The following CDH12 variants were observed in gnomAD, a reference collection of about 807,000 sequenced individuals.
The protein encoded by CDH12 is cadherin-12.
A neutral mutation model predicts 74.1 loss-of-function variants in CDH12; 41 were observed. The observed-to-expected ratio is 0.55, with a 90% CI of 0.43 to 0.72. The LOEUF is 0.72. CDH12 is among the 30% of genes least tolerant of loss of function. The pLI is 0.00. For missense variants in CDH12, 945 were observed against 977.2 expected (o/e 0.97, Z 0.44); for synonymous variants, 399 against 355.0 (o/e 1.12, Z -1.39).
chr5:22,636,590 T>C (rs1738852745), intron 1 of CDH12, among the ~76,000 whole-genome samples: 1 of 152,182 alleles, frequency 6.6e-6, no homozygotes, highest in South Asian at 2.1e-4. Context: ...GTTGTTGAAG[T>C]AGATCTATAT....
intron 1 of CDH12, among the ~76,000 whole-genome samples, chr5:22,562,372 G>A (rs1327573973): frequency 6.6e-6 from 1 of 151,950 alleles, no homozygotes; most frequent in Non-Finnish European, 1.5e-5. Flanking sequence ...AGATTATAAT[G>A]GAAAAACAAA....
chr5:22,348,790 C>T (rs187384488), intron 3 of CDH12, among the ~76,000 whole-genome samples: 2 of 152,246 alleles, frequency 1.3e-5, no homozygotes, highest in Non-Finnish European at 1.5e-5. Context: ...ATGCTAGGCA[C>T]TCATTGGTGA....
At chr5:22,124,486 C>A (rs909472073) in intron 4 of CDH12, among the ~76,000 whole-genome samples, 1 of 152,110 alleles carries the variant, frequency 6.6e-6, no homozygotes, top group African/African-American at 2.4e-5. Flanking sequence ...GCCATCTCAT[C>A]CTACTGTTTG....
chr5:21,909,316 A>T (rs2150061814), intron 6 of CDH12, among the ~76,000 whole-genome samples: 1 of 152,210 alleles, frequency 6.6e-6, no homozygotes, highest in South Asian at 2.1e-4. Context: ...TTAATGCCCC[A>T]TAGGACATGC....
intron 6 of CDH12, among the ~76,000 whole-genome samples, chr5:21,926,748 G>C (rs1754599688): frequency 1.3e-5 from 2 of 152,194 alleles, no homozygotes; most frequent in African/African-American, 4.8e-5. Context: ...TAATATATGA[G>C]TGAAGGGGTT....
intron 3 of CDH12, among the ~76,000 whole-genome samples, chr5:22,316,815 T>A (rs558797197): frequency 1.3e-5 from 2 of 152,268 alleles, no homozygotes; most frequent in African/African-American, 2.4e-5. Flanking sequence ...TATATTCAAG[T>A]AGGAAAAAAG....
intron 3 of CDH12, among the ~76,000 whole-genome samples, chr5:22,403,708 T>C (rs1321082534): frequency 1.3e-5 from 2 of 152,170 alleles, no homozygotes; most frequent in Non-Finnish European, 2.9e-5. Context: ...CCGGAGACTA[T>C]GAGTTTGCCA....
At position 21,801,862 on chromosome 5, in the gene CDH12, AG is replaced by A. The variant is rs1458983293; in HGVS notation, c.1256+304del. 5.3e-5 allele frequency among the ~76,000 whole-genome samples: 8 copies of A among 152,182 alleles called. No homozygotes were observed. In the East Asian group the frequency reaches 1.2e-3, roughly 22 times the overall value. ...CTAATTATGAGAATCATTCTCTAAA[AG>A]GTTATGTTATTAAATCCCGTTTATA... On this transcript the variant is annotated intron_variant, in intron 10 of 14. Coordinates refer to ENST00000382254, the MANE Select transcript of CDH12 (RefSeq NM_004061.5).
intron 3 of CDH12, among the ~76,000 whole-genome samples, chr5:22,283,251 T>C (rs9687313): frequency 0.58 from 57,960 of 100,154 alleles, 14,847 homozygotes; most frequent in Admixed American, 0.64. Flanking sequence ...TATATATATA[T>C]ACACACACAC....
chr5:22,330,736 C>T (rs1428328188), intron 3 of CDH12, among the ~76,000 whole-genome samples: 2 of 124,088 alleles, frequency 1.6e-5, no homozygotes, highest in African/African-American at 6.6e-5. Flanking sequence ...GACAACAGAG[C>T]GAGACTCCAA....
chr5:21,808,075 A>C (rs527312430), intron 9 of CDH12, among the ~76,000 whole-genome samples: 1 of 152,220 alleles, frequency 6.6e-6, no homozygotes, highest in African/African-American at 2.4e-5. Flanking sequence ...ATTTGGCGAG[A>C]GCTAACAACA....
chr5:22,224,230 C>T (rs1051866721), intron 3 of CDH12, among the ~76,000 whole-genome samples: 2 of 152,018 alleles, frequency 1.3e-5, no homozygotes, highest in East Asian at 1.9e-4. Context: ...TCTTTTTATA[C>T]TGTTATGTAC....
chr5:22,452,217 A>G (rs1186880627), intron 2 of CDH12, among the ~76,000 whole-genome samples: 2 of 151,958 alleles, frequency 1.3e-5, no homozygotes, highest in African/African-American at 2.4e-5. Flanking sequence ...AAATAGAAAA[A>G]TATCCAAAAA....
At chr5:22,552,178 T>C (rs1738602692) in intron 1 of CDH12, among the ~76,000 whole-genome samples, 1 of 152,110 alleles carries the variant, frequency 6.6e-6, no homozygotes, top group African/African-American at 2.4e-5. Flanking sequence ...ACTTTAAATA[T>C]ACAAAGGGGA....
chr5:22,525,009 T>G (rs1046107696), intron 1 of CDH12, among the ~76,000 whole-genome samples: 9 of 144,204 alleles, frequency 6.2e-5, no homozygotes, highest in Non-Finnish European at 1.4e-4. Context: ...CCTTCCTGTG[T>G]CCATGTGTTC....
At chr5:22,822,503 C>T (rs941097919) in intron 1 of CDH12, among the ~76,000 whole-genome samples, 3 of 152,008 alleles carry the variant, frequency 2.0e-5, no homozygotes, top group African/African-American at 4.8e-5. Context: ...GGCTAATATC[C>T]AGAATCTACA....
At position 22,168,343 on chromosome 5, in the gene CDH12, C is replaced by T. The variant is rs1203523733; in HGVS notation, c.-187+44155G>A. The stretch of plus-strand genomic sequence containing the variant: ...AAACCCACTGACACTGTCCATTGTT[C>T]TGAATTTGATTCCAGAGTTAGAGCT... On this transcript the variant is annotated intron_variant, in intron 4 of 14. Coordinates refer to ENST00000382254, the MANE Select transcript of CDH12 (RefSeq NM_004061.5). 6.6e-5 allele frequency among the ~76,000 whole-genome samples: 10 copies of T among 152,174 alleles called. No individual in the cohort carries two copies. The East Asian group carries it at 1.9e-3, about 29-fold the overall frequency.
intron 6 of CDH12, chr5:21,889,901 C>G: frequency 1.0e-6 from 1 of 961,740 alleles, no homozygotes; most frequent in Non-Finnish European, 1.2e-6. Context: ...TTACCCCACA[C>G]TGGCAATGTT....
intron 3 of CDH12, 78 bp downstream of exon 3, chr5:22,405,179 C>T (rs986613073): frequency 2.6e-4 from 72 of 280,862 alleles, no homozygotes; most frequent in Non-Finnish European, 3.6e-4. Flanking sequence ...CACTTCACTC[C>T]AGTCTGGGTG....
Sources: allele counts gnomAD v4.1 joint callset (sites outside exome capture counted in the v4.1 genomes callset), GRCh38; gene constraint gnomAD v4.1.1; transcripts MANE v1.5; gene names NCBI Gene and HGNC (gene_info 2026-07-23, HGNC 2026-07-21).